STK3: variants seen among roughly 807,000 people sequenced by gnomAD.
STK3 encodes serine/threonine-protein kinase 3.
A neutral mutation model predicts 58.0 loss-of-function variants in STK3; 41 were observed. The ratio of observed to expected loss-of-function variants is 0.71; its 90% CI spans 0.55 to 0.92. The LOEUF is 0.92. Among genes scored for constraint, STK3 ranks in the 40% least tolerant of loss-of-function variants. The pLI is 0.00. For missense variants in STK3, 479 were observed against 602.7 expected, an observed-to-expected ratio of 0.79 and a Z score of 2.15; for synonymous variants, 170 against 191.0, an observed-to-expected ratio of 0.89 and a Z score of 0.91.
At chr8:98,597,418 T>A (rs1815925447) in intron 6 of STK3, 1 of 985,090 alleles carries the variant, frequency 1.0e-6, no homozygotes, top group African/African-American at 1.7e-5. Flanking sequence ...CGTCATGTTA[T>A]ACATATTACA....
At chr8:98,545,915 C>T (rs1194642444) in intron 9 of STK3, among the ~76,000 whole-genome samples, 1 of 152,192 alleles carries the variant, frequency 6.6e-6, no homozygotes, top group Non-Finnish European at 1.5e-5. Flanking sequence ...AGTAAGTCTT[C>T]CCTCAATAAC....
At chr8:98,345,338 A>G in the STK3 span, among the ~76,000 whole-genome samples, 2 of 152,016 alleles carry the variant, frequency 1.3e-5, no homozygotes, top group Admixed American at 1.3e-4. Flanking sequence ...ACTCGTTTGC[A>G]TGTAACACAC....
At chr8:98,929,639 G>A (rs1166983868) in intron 1 of STK3, among the ~76,000 whole-genome samples, 1 of 152,182 alleles carries the variant, frequency 6.6e-6, no homozygotes, top group Non-Finnish European at 1.5e-5. Context: ...GACAGAGCCA[G>A]ACCCTGTCAT....
chr8:98,412,676 A>G (rs1818070048), intron 3 of STK3, among the ~76,000 whole-genome samples: 1 of 152,212 alleles, frequency 6.6e-6, no homozygotes, highest in African/African-American at 2.4e-5. Flanking sequence ...GGATGTGCTA[A>G]TGTCCGATTT....
intron 1 of STK3, among the ~76,000 whole-genome samples, chr8:98,809,454 G>GT (rs1834086436): frequency 6.6e-6 from 1 of 152,160 alleles, no homozygotes; most frequent in South Asian, 2.1e-4. Flanking sequence ...TGTAGAAAAA[G>GT]TTTTTTATCA....
At chr8:98,555,898 T>A (rs1336462079) in intron 8 of STK3, among the ~76,000 whole-genome samples, 1 of 151,964 alleles carries the variant, frequency 6.6e-6, no homozygotes, top group Non-Finnish European at 1.5e-5. Flanking sequence ...GGGTGGGGGA[T>A]TAGTGGTTAA....
At chr8:98,753,943 A>G (rs1830135112) in intron 3 of STK3, among the ~76,000 whole-genome samples, 1 of 152,226 alleles carries the variant, frequency 6.6e-6, no homozygotes, top group South Asian at 2.1e-4. Flanking sequence ...CTTTAAAACA[A>G]AAGTAAAACA....
At chr8:98,921,113 G>T (rs978036128) in intron 1 of STK3, 1 of 152,206 alleles carries the variant, frequency 6.6e-6, no homozygotes, top group African/African-American at 2.4e-5. Context: ...GAGGTCATTA[G>T]TATCTGGTGA....
chr8:98,824,087 C>G (rs993638511), intron 1 of STK3, among the ~76,000 whole-genome samples: 1 of 152,112 alleles, frequency 6.6e-6, no homozygotes, highest in Admixed American at 6.5e-5. Flanking sequence ...TATGAAAATT[C>G]TATAAAAAAT....
At chr8:98,574,796 A>G (rs557338742) in intron 8 of STK3, among the ~76,000 whole-genome samples, 120 of 152,294 alleles carry the variant, frequency 7.9e-4, no homozygotes, top group Non-Finnish European at 1.3e-3. Context: ...CAGTGGGCAG[A>G]GCAAAAAACT....
chr8:98,919,990 A>C (rs1839494827), intron 1 of STK3, among the ~76,000 whole-genome samples: 1 of 152,224 alleles, frequency 6.6e-6, no homozygotes. Flanking sequence ...TTATGAATCC[A>C]ATCTTTTTCC....
chr8:98,577,397 G>A lies in STK3; in HGVS notation c.948+2267C>T, dbSNP rs555463545. Among the ~76,000 whole-genome samples, 4 of 152,300 alleles carry A rather than the reference G, an allele frequency of 2.6e-5. No homozygotes were observed. The South Asian group carries it at 8.3e-4, about 32-fold the overall frequency. ...AGCTACTCAGGAGGCTGAGGCAGGA[G>A]AATTGCTTGAACCCAGGAGATGGAG... On this transcript the variant is annotated intron_variant, in intron 8 of 10. Transcript: ENST00000419617.
At chr8:98,664,431 A>G (rs577675434) in intron 6 of STK3, among the ~76,000 whole-genome samples, 3 of 152,310 alleles carry the variant, frequency 2.0e-5, no homozygotes, top group Admixed American at 2.0e-4. Flanking sequence ...AAAGATTATA[A>G]TTTATGTAGA....
At chr8:98,881,370 G>A (rs1424316197), downstream of STK3, 7 of 152,240 alleles carry the variant, frequency 4.6e-5, no homozygotes, top group Non-Finnish European at 8.8e-5. Flanking sequence ...GAGTTGTGGG[G>A]GAGAGATGGA....
At chr8:98,832,269 T>G (rs953913203) in intron 3 of STK3, among the ~76,000 whole-genome samples, 41 of 147,764 alleles carry the variant, frequency 2.8e-4, no homozygotes, top group African/African-American at 8.2e-4. Context: ...TATATATATA[T>G]ATAGATATCT....
At chr8:98,533,990 A>T (rs886979745) in intron 9 of STK3, among the ~76,000 whole-genome samples, 3 of 152,208 alleles carry the variant, frequency 2.0e-5, no homozygotes, top group African/African-American at 7.2e-5. Flanking sequence ...GAATTAGTAG[A>T]TGCTATATGT....
At chr8:98,754,772 AG>A (rs1830187435) in intron 3 of STK3, among the ~76,000 whole-genome samples, 1 of 152,164 alleles carries the variant, frequency 6.6e-6, no homozygotes, top group Non-Finnish European at 1.5e-5. Context: ...AGCTTCCAAA[AG>A]TGCTGAGACT....
At chr8:98,458,892 A>T (rs1249251540) in intron 10 of STK3, among the ~76,000 whole-genome samples, 1 of 152,206 alleles carries the variant, frequency 6.6e-6, no homozygotes, top group Non-Finnish European at 1.5e-5. Context: ...TTTCCTTTGT[A>T]AATTACCCAG....
chr8:98,590,001 C>A (rs1815139860), intron 7 of STK3, among the ~76,000 whole-genome samples: 1 of 152,196 alleles, frequency 6.6e-6, no homozygotes, highest in Admixed American at 6.5e-5. Flanking sequence ...CACTGTCTGG[C>A]ACTCCCTAGT....
Sources: allele counts gnomAD v4.1 joint callset (sites outside exome capture counted in the v4.1 genomes callset), GRCh38; gene constraint gnomAD v4.1.1; transcripts MANE v1.5; gene names NCBI Gene and HGNC (gene_info 2026-07-23, HGNC 2026-07-21).